The following SLC5A8 variants were observed in gnomAD, a reference collection of about 807,000 sequenced individuals.
SLC5A8 encodes the protein sodium-coupled monocarboxylate transporter 1.
Under a neutral mutation model 71.9 loss-of-function variants are expected in SLC5A8, and 55 were observed. That is an observed-to-expected ratio of 0.77 (90% CI 0.62 to 0.96). The LOEUF (loss-of-function observed/expected upper bound fraction) is 0.96, where lower values mean the gene tolerates loss of function less well. Among genes scored for constraint, SLC5A8 ranks in the 40% least tolerant of loss-of-function variants. The pLI, the probability that SLC5A8 is intolerant of heterozygous loss-of-function variation, is 0.00. For synonymous variants in SLC5A8, 307 were observed against 276.1 expected, an observed-to-expected ratio of 1.11 and a Z score of -1.11; for missense variants, 701 against 745.3, an observed-to-expected ratio of 0.94 and a Z score of 0.69.
In SLC5A8 at chr12:101,157,182, C is replaced by A; in HGVS notation, c.*97G>T. The stretch of plus-strand genomic sequence containing the variant: ...ACTTATCCCCCAAACACTCATGATA[C>A]AACACACACACACACACAAAGAAAA... On this transcript the variant is annotated 3_prime_UTR_variant, in exon 15 of 15. Coordinates refer to ENST00000536262, the MANE Select transcript of SLC5A8 (RefSeq NM_145913.5). 2 of 1,314,582 alleles carry A rather than the reference C, an allele frequency of 1.5e-6. No individual in the cohort carries two copies. Among genetic ancestry groups the A allele is most frequent in the Non-Finnish European group, 2.0e-6 (2 of 978,454 alleles). 81.4% of individuals were successfully genotyped at this position (1,314,582 alleles called of 1,614,324 possible).
intron 14 of SLC5A8, among the ~76,000 whole-genome samples, chr12:101,157,998 A>C (rs1178964919): frequency 6.6e-6 from 1 of 152,200 alleles, no homozygotes; most frequent in Non-Finnish European, 1.5e-5. Flanking sequence ...GAGGATATGC[A>C]ACAGATATAG....
rs1040889955 is a variant in SLC5A8 at position 101,182,752 on chromosome 12, C to T, written c.1165+51G>A. 8 of 1,371,648 alleles carry T rather than the reference C, an allele frequency of 5.8e-6. No individual in the cohort carries two copies. The African/African-American group carries it at 1.0e-4, about 18-fold the overall frequency. 85.0% of individuals were successfully genotyped at this position (1,371,648 alleles called of 1,614,324 possible). A position where few individuals can be genotyped will look rare whatever the true frequency, so the allele number is the denominator to read the frequency against. On this transcript the variant is annotated intron_variant, in intron 9 of 14. Coordinates refer to ENST00000536262, the MANE Select transcript of SLC5A8 (RefSeq NM_145913.5). The stretch of plus-strand genomic sequence containing the variant: ...CAGTGGAAAAGAAATTTTTGTGTCT[C>T]AAAAAATCATCTCTCTGAGCTAAAA...
At chr12:101,163,358 G>A (rs548525231) in intron 12 of SLC5A8, among the ~76,000 whole-genome samples, 5 of 152,114 alleles carry the variant, frequency 3.3e-5, no homozygotes, top group Non-Finnish European at 7.4e-5. Flanking sequence ...AGGGAGGCAG[G>A]TTTTTGAAGC....
intron 5 of SLC5A8, 62 bp from the exon 6 acceptor site, chr12:101,190,670 T>C: frequency 1.3e-6 from 2 of 1,489,180 alleles, no homozygotes; most frequent in Non-Finnish European, 8.9e-7. Context: ...AAAATTCTCT[T>C]AGACTATATT....
chr12:101,209,051 T>C (rs1869795272), intron 1 of SLC5A8, among the ~76,000 whole-genome samples: 1 of 152,046 alleles, frequency 6.6e-6, no homozygotes, highest in Non-Finnish European at 1.5e-5. Flanking sequence ...GTACAAATTC[T>C]TTACCAACTA....
chr12:101,158,231 A>G lies in SLC5A8; in HGVS notation c.1710+18T>C. The G allele has an allele frequency of 6.5e-7, 1 of 1,536,024 alleles. No individual in the cohort carries two copies. Among genetic ancestry groups the G allele is most frequent in the East Asian group, 2.3e-5 (1 of 44,006 alleles). On this transcript the variant is annotated intron_variant, in intron 14 of 14. Transcript: ENST00000536262. ...AAAGCCCAGTTTCCTAACTCAAGGT[A>G]AATGAAAGCCAACTCACTTTCTTAA... is the stretch of plus-strand genomic sequence containing the variant.
At chr12:101,200,908 C>T (rs1023243452) in intron 3 of SLC5A8, among the ~76,000 whole-genome samples, 1 of 152,084 alleles carries the variant, frequency 6.6e-6, no homozygotes, top group Non-Finnish European at 1.5e-5. Flanking sequence ...GTTAAATAAG[C>T]TTTTTTGAGC....
At chr12:101,183,081 T>C (rs901998175) in intron 8 of SLC5A8, among the ~76,000 whole-genome samples, 166 bp from the exon 9 acceptor site, 12 of 135,464 alleles carry the variant, frequency 8.9e-5, no homozygotes, top group Non-Finnish European at 1.4e-4. Flanking sequence ...AGTCTCGCTC[T>C]GTCGCCCAGG....
intron 9 of SLC5A8, 35 bp downstream of exon 9, chr12:101,182,768 T>G: frequency 1.2e-4 from 174 of 1,456,850 alleles, no homozygotes; most frequent in Non-Finnish European, 1.6e-4. Flanking sequence ...ATCATCTCTC[T>G]GAGCTAAAAT....
intron 5 of SLC5A8, 28 bp from the exon 6 acceptor site, chr12:101,190,636 C>A (rs1213108407): frequency 1.3e-6 from 2 of 1,586,708 alleles, no homozygotes; most frequent in South Asian, 1.2e-5. Flanking sequence ...GAAAACAAAT[C>A]TGAACTATTA....
At chr12:101,159,720 T>G (rs1350614014) in intron 13 of SLC5A8, among the ~76,000 whole-genome samples, 3 of 152,124 alleles carry the variant, frequency 2.0e-5, no homozygotes, top group East Asian at 3.9e-4. Flanking sequence ...TTTTTCAGAA[T>G]CAAAGCATTT....
At chr12:101,157,652 TAGAC>T (rs1270910974) in intron 14 of SLC5A8, among the ~76,000 whole-genome samples, 6 of 151,776 alleles carry the variant, frequency 4.0e-5, no homozygotes, top group East Asian at 1.9e-4. Flanking sequence ...TATCAGAGGA[TAGAC>T]AGATATATAG....
Position 101,155,675 on chromosome 12 carries a change from T to A in SLC5A8, c.*1604A>T, listed in dbSNP as rs1430509807. ...CTAAGTTTTTTTTATTTTTATTTTT[T>A]ATTTTTGTAGAGATGAGGTCTAACT... is the stretch of plus-strand genomic sequence containing the variant. On this transcript the variant is annotated 3_prime_UTR_variant, in exon 15 of 15. Transcript: ENST00000536262. The A allele has an allele frequency of 6.6e-6, 1 of 151,556 alleles. No homozygotes were observed. The highest frequency in any genetic ancestry group is 1.5e-5 in the Non-Finnish European group (1 of 67,910). The allele number at this position is 151,556 out of a possible 1,614,324, so 9.4% of individuals were successfully genotyped here. A position where few individuals can be genotyped will look rare whatever the true frequency, so the allele number is the denominator to read the frequency against.
chr12:101,201,887 C>A (rs910276547), intron 3 of SLC5A8, among the ~76,000 whole-genome samples: 1 of 152,136 alleles, frequency 6.6e-6, no homozygotes, highest in East Asian at 1.9e-4. Context: ...CTACAGGGAG[C>A]TTTAATTCTA....
chr12:101,204,872 C>T (rs939958540), intron 1 of SLC5A8, among the ~76,000 whole-genome samples: 3 of 152,180 alleles, frequency 2.0e-5, no homozygotes, highest in African/African-American at 7.2e-5. Context: ...TTCTCCCCCG[C>T]CAAACCCTAG....
intron 11 of SLC5A8, among the ~76,000 whole-genome samples, chr12:101,167,694 T>C (rs1209570593): frequency 6.6e-6 from 1 of 152,180 alleles, no homozygotes; most frequent in African/African-American, 2.4e-5. Flanking sequence ...GGTGGTAAGA[T>C]TGTGTTCCTT....
chr12:101,180,212 T>G lies in SLC5A8; in HGVS notation c.1166-116A>C, dbSNP rs2051919267. ...TGGATAATATGACTGTGGTGAAGAA[T>G]GGCCACACACATCAGAGCCAGTGAA... On this transcript the variant is annotated intron_variant, in intron 9 of 14. Coordinates refer to ENST00000536262, the MANE Select transcript of SLC5A8 (RefSeq NM_145913.5). 5 of 1,037,318 alleles carry G rather than the reference T, an allele frequency of 4.8e-6. No individual in the cohort carries two copies. In the East Asian group the frequency reaches 7.2e-5, roughly 15 times the overall value. 64.3% of individuals were successfully genotyped at this position (1,037,318 alleles called of 1,614,324 possible).
At chr12:101,157,821 T>C (rs1389438577) in intron 14 of SLC5A8, among the ~76,000 whole-genome samples, 1 of 151,876 alleles carries the variant, frequency 6.6e-6, no homozygotes, top group African/African-American at 2.4e-5. Context: ...ACAACAGGTA[T>C]AGCTCATCAG....
rs1869872592 is a variant in SLC5A8 at position 101,210,197 on chromosome 12, C to G, written c.-349G>C. 1 of 284,666 alleles carries G rather than the reference C, an allele frequency of 3.5e-6. No individual in the cohort carries two copies. The highest frequency in any genetic ancestry group is 6.5e-6 in the Non-Finnish European group (1 of 154,616). The allele number at this position is 284,666 out of a possible 1,614,324, so 17.6% of individuals were successfully genotyped here. A position where few individuals can be genotyped will look rare whatever the true frequency, so the allele number is the denominator to read the frequency against. On this transcript the variant is annotated 5_prime_UTR_variant, in exon 1 of 15. Coordinates refer to ENST00000536262, the MANE Select transcript of SLC5A8 (RefSeq NM_145913.5). ...TGAGAACTGGAGCCTCCAGCTGCTTCCAGCGAATCTACACAGGGAGCGCTC... is the reference window on the plus strand; with the variant it reads ...TGAGAACTGGAGCCTCCAGCTGCTTGCAGCGAATCTACACAGGGAGCGCTC...
Sources: gnomAD v4.1 joint callset for allele counts (sites outside exome capture counted in the v4.1 genomes callset) on GRCh38, gnomAD v4.1.1 for gene constraint, MANE v1.5 for transcripts, NCBI Gene and HGNC (gene_info 2026-07-23, HGNC 2026-07-21) for gene names.